TTBK2: variants seen among roughly 807,000 people sequenced by gnomAD.
TTBK2 encodes the protein tau-tubulin kinase 2.
In TTBK2, 28 loss-of-function variants were observed where a neutral mutation model predicts 110.8. The ratio of observed to expected loss-of-function variants is 0.25; its 90% CI spans 0.19 to 0.35. TTBK2 has a LOEUF of 0.35. Ranked by LOEUF, TTBK2 falls within the 10% of genes least tolerant of loss-of-function variation. The pLI is 1.00. For synonymous variants in TTBK2, 532 were observed against 527.3 expected, an observed-to-expected ratio of 1.01 and a Z score of -0.12; for missense variants, 1,369 against 1,500.3, an observed-to-expected ratio of 0.91 and a Z score of 1.45.
chr15:42,846,177 T>A (rs1567057190), intron 3 of TTBK2, among the ~76,000 whole-genome samples: 1 of 151,626 alleles, frequency 6.6e-6, no homozygotes, highest in African/African-American at 2.4e-5. Context: ...ATTTTTTTCC[T>A]AATTTTTTTT....
At chr15:42,802,594 G>C (rs1365254574) in intron 9 of TTBK2, among the ~76,000 whole-genome samples, 1 of 152,146 alleles carries the variant, frequency 6.6e-6, no homozygotes, top group Non-Finnish European at 1.5e-5. Context: ...ATAAAATAAA[G>C]AGAATGAGTT....
At chr15:42,797,319 C>T (rs1890988054) in intron 9 of TTBK2, among the ~76,000 whole-genome samples, 1 of 152,192 alleles carries the variant, frequency 6.6e-6, no homozygotes, top group Non-Finnish European at 1.5e-5. Context: ...ACATCTGTCA[C>T]AGTATTGTAT....
intron 3 of TTBK2, among the ~76,000 whole-genome samples, chr15:42,860,217 C>G (rs117467851): frequency 6.6e-6 from 1 of 151,840 alleles, no homozygotes; most frequent in African/African-American, 2.4e-5. Context: ...ATATCAAACA[C>G]CAAACCACAA....
At chr15:42,769,687 A>G (rs1296269719) in intron 13 of TTBK2, among the ~76,000 whole-genome samples, 15 of 152,198 alleles carry the variant, frequency 9.9e-5, no homozygotes, top group East Asian at 5.8e-4. Flanking sequence ...CAACCATTGT[A>G]GAAGACAGTG....
At chr15:42,872,144 C>A (rs1159420556) in intron 3 of TTBK2, among the ~76,000 whole-genome samples, 3 of 152,148 alleles carry the variant, frequency 2.0e-5, no homozygotes, top group Non-Finnish European at 4.4e-5. Flanking sequence ...TTCTCTGAAA[C>A]TGAAGCTAAT....
intron 13 of TTBK2, among the ~76,000 whole-genome samples, chr15:42,760,480 T>C (rs537931936): frequency 4.6e-5 from 7 of 152,056 alleles, no homozygotes; most frequent in African/African-American, 1.7e-4. Context: ...GCAGAATTTC[T>C]GAATTGGAAG....
chr15:42,786,940 A>T (rs1437524114), intron 10 of TTBK2, among the ~76,000 whole-genome samples: 1 of 152,274 alleles, frequency 6.6e-6, no homozygotes, highest in East Asian at 1.9e-4. Context: ...GAGTGTTATT[A>T]GCACATGGTC....
intron 1 of TTBK2, among the ~76,000 whole-genome samples, chr15:42,887,694 C>G (rs1895300318): frequency 6.6e-6 from 1 of 152,188 alleles, no homozygotes; most frequent in Non-Finnish European, 1.5e-5. Flanking sequence ...ATACCTCCCT[C>G]CACAACCCAT....
chr15:42,795,259 T>C (rs1397514342), intron 9 of TTBK2, among the ~76,000 whole-genome samples: 1 of 95,938 alleles, frequency 1.0e-5, no homozygotes, highest in Non-Finnish European at 1.8e-5. Flanking sequence ...TTTCCTTCAT[T>C]TTTTTTTTTT....
intron 3 of TTBK2, among the ~76,000 whole-genome samples, chr15:42,855,734 G>C (rs1239152859): frequency 2.6e-5 from 4 of 152,156 alleles, no homozygotes; most frequent in Non-Finnish European, 4.4e-5. Flanking sequence ...GCCCAGGCTG[G>C]AGTGCAGTGG....
chr15:42,783,718 T>C, intron 10 of TTBK2, 83 bp from the exon 11 acceptor site: 1 of 1,106,466 alleles, frequency 9.0e-7, no homozygotes, highest in Non-Finnish European at 1.4e-6. Context: ...TTCATTTAAA[T>C]GAACTCCACA....
At chr15:42,918,507 A>G (rs1259930858) in intron 1 of TTBK2, among the ~76,000 whole-genome samples, 1 of 152,212 alleles carries the variant, frequency 6.6e-6, no homozygotes, top group Admixed American at 6.5e-5. Flanking sequence ...GTTATAAAGC[A>G]TATAAAAAAG....
At chr15:42,829,469 C>G (rs1892660979) in intron 5 of TTBK2, among the ~76,000 whole-genome samples, 1 of 152,150 alleles carries the variant, frequency 6.6e-6, no homozygotes, top group Non-Finnish European at 1.5e-5. Context: ...GGGAATAATG[C>G]CAATTTAGGC....
chr15:42,914,658 C>A lies in TTBK2; in HGVS notation c.-68+5780G>T, dbSNP rs187559996. ...GTGTTCTGAAAGAACTTGTCTAAAG[C>A]TGTTTCATGGGTTGTGTGGACATTT... is the stretch of plus-strand genomic sequence containing the variant. On this transcript the variant is annotated intron_variant, in intron 1 of 14. Coordinates refer to ENST00000267890, the MANE Select transcript of TTBK2 (RefSeq NM_173500.4). Among the ~76,000 whole-genome samples the A allele has an allele frequency of 7.9e-5, 12 of 152,288 alleles. No homozygotes were observed. In the East Asian group the frequency reaches 1.7e-3, roughly 22 times the overall value.
intron 9 of TTBK2, among the ~76,000 whole-genome samples, chr15:42,796,743 CATT>C (rs1890963880): frequency 6.6e-6 from 1 of 152,240 alleles, no homozygotes. Flanking sequence ...GCTTACTCAT[CATT>C]GTGTCTCCAG....
At chr15:42,867,714 C>A (rs1894431265) in intron 3 of TTBK2, among the ~76,000 whole-genome samples, 1 of 152,226 alleles carries the variant, frequency 6.6e-6, no homozygotes, top group Non-Finnish European at 1.5e-5. Flanking sequence ...ACAACAGGAA[C>A]TCTCATTCAT....
intron 13 of TTBK2, among the ~76,000 whole-genome samples, chr15:42,762,119 T>G (rs532053233): frequency 6.6e-6 from 1 of 152,220 alleles, no homozygotes; most frequent in Non-Finnish European, 1.5e-5. Context: ...CATGTGGAAC[T>G]GTAAGTCCAA....
intron 5 of TTBK2, among the ~76,000 whole-genome samples, chr15:42,829,479 C>G (rs890360781): frequency 6.6e-6 from 1 of 152,204 alleles, no homozygotes; most frequent in Non-Finnish European, 1.5e-5. Context: ...CCAATTTAGG[C>G]ATAAGGTTAA....
intron 6 of TTBK2, among the ~76,000 whole-genome samples, chr15:42,819,546 T>G (rs1291928731): frequency 6.6e-6 from 1 of 152,208 alleles, no homozygotes; most frequent in Non-Finnish European, 1.5e-5. Flanking sequence ...TTTTAAAATA[T>G]TCTGTATTTA....
Sources: gnomAD v4.1 joint callset for allele counts (sites outside exome capture counted in the v4.1 genomes callset) on GRCh38, gnomAD v4.1.1 for gene constraint, MANE v1.5 for transcripts, NCBI Gene and HGNC (gene_info 2026-07-23, HGNC 2026-07-21) for gene names.